The following PVT1 variants were observed in gnomAD, a reference collection of about 807,000 sequenced individuals.
PVT1 encodes the protein Pvt1 oncogene, also known as CXCR4/PVT1 fusion.
At chr8:128,037,511 G>A (rs1347812135) in intron 4 of PVT1, among the ~76,000 whole-genome samples, 2 of 152,222 alleles carry the variant, frequency 1.3e-5, no homozygotes, top group African/African-American at 4.8e-5. Context: ...GGAAAGGGAA[G>A]TGGGGGACAG....
chr8:127,808,340 G>T (rs114899397), intron 2 of PVT1, among the ~76,000 whole-genome samples: 1 of 152,138 alleles, frequency 6.6e-6, no homozygotes, highest in Non-Finnish European at 1.5e-5. Flanking sequence ...GAGCCACGGC[G>T]TCCAGCCTGT....
chr8:127,973,298 G>A lies in PVT1; in HGVS notation n.783-15864G>A, dbSNP rs140048423. 6.1e-3 allele frequency among the ~76,000 whole-genome samples: 934 copies of A among 152,230 alleles called. 6 individuals are homozygous for A. The highest frequency in any genetic ancestry group is 0.011 in the Non-Finnish European group (727 of 68,016). The stretch of plus-strand genomic sequence containing the variant: ...ACGAATCAATGACAGGGGTACATAG[G>A]AAATAAGAATAATGGAGAGAGCCAC... On this transcript the variant is annotated intron_variant and non_coding_transcript_variant, in intron 3 of 10. Coordinates refer to ENST00000651587, the Ensembl canonical transcript of PVT1.
At chr8:128,045,150 C>G (rs1813596130) in intron 4 of PVT1, among the ~76,000 whole-genome samples, 1 of 152,170 alleles carries the variant, frequency 6.6e-6, no homozygotes, top group Non-Finnish European at 1.5e-5. Context: ...TGGGGCAGCC[C>G]TTGGACACAC....
At chr8:127,994,853 A>ACACTC (rs1817087167) in intron 4 of PVT1, among the ~76,000 whole-genome samples, 1 of 152,326 alleles carries the variant, frequency 6.6e-6, no homozygotes, top group East Asian at 1.9e-4. Context: ...GATGAAATTC[A>ACACTC]ACCTTCCTGT....
At chr8:127,982,819 C>T (rs1816899721) in intron 3 of PVT1, among the ~76,000 whole-genome samples, 1 of 152,156 alleles carries the variant, frequency 6.6e-6, no homozygotes, top group African/African-American at 2.4e-5. Context: ...CCCCAGACCC[C>T]TGTTTCTCCT....
intron 3 of PVT1, among the ~76,000 whole-genome samples, chr8:127,968,520 C>T (rs1816727731): frequency 6.6e-6 from 1 of 152,094 alleles, no homozygotes; most frequent in Non-Finnish European, 1.5e-5. Flanking sequence ...CAGTTGCCAC[C>T]AGGGACGCAG....
intron 3 of PVT1, chr8:127,940,539 T>C (rs1462078689): frequency 6.6e-6 from 1 of 151,302 alleles, no homozygotes; most frequent in African/African-American, 2.4e-5. Flanking sequence ...CCATAAAATA[T>C]TAACACAAAT....
At chr8:127,847,719 G>A (rs1057209338) in intron 2 of PVT1, among the ~76,000 whole-genome samples, 4 of 152,132 alleles carry the variant, frequency 2.6e-5, no homozygotes, top group Non-Finnish European at 4.4e-5. Context: ...TGTGGAGCGG[G>A]GAGTATGGCA....
At chr8:128,061,920 T>C (rs1259079834) in intron 4 of PVT1, among the ~76,000 whole-genome samples, 1 of 152,196 alleles carries the variant, frequency 6.6e-6, no homozygotes, top group Non-Finnish European at 1.5e-5. Flanking sequence ...TGAAAAAACA[T>C]AGAAAGAGAG....
Position 127,972,747 on chromosome 8 carries a change from T to A in PVT1, n.783-16415T>A, listed in dbSNP as rs541472263. ...GTGCAAGACTCTGTCTCAAAAAAAA[T>A]AATAATAAATAAATAGAAATAGCTT... On this transcript the variant is annotated intron_variant and non_coding_transcript_variant, in intron 3 of 10. Transcript: ENST00000651587. Among the ~76,000 whole-genome samples the A allele has an allele frequency of 3.6e-4, 54 of 152,002 alleles. 1 individual carries two copies. The highest frequency in any genetic ancestry group is 1.2e-3 in the African/African-American group (49 of 41,462).
chr8:127,867,132 G>A (rs936733661), intron 2 of PVT1, among the ~76,000 whole-genome samples: 1 of 152,352 alleles, frequency 6.6e-6, no homozygotes, highest in Non-Finnish European at 1.5e-5. Flanking sequence ...ACCTGCCTGC[G>A]GCCTTCCTCG....
chr8:127,794,744 A>G (rs1198945543), intron 1 of PVT1: 5 of 153,174 alleles, frequency 3.3e-5, no homozygotes, highest in African/African-American at 1.2e-4. Context: ...AGTAAGTTCC[A>G]ATTTTGTCCC....
At chr8:128,077,990 G>A (rs1814113104) in intron 5 of PVT1, among the ~76,000 whole-genome samples, 1 of 152,202 alleles carries the variant, frequency 6.6e-6, no homozygotes, top group Non-Finnish European at 1.5e-5. Context: ...GGGCAGAGAG[G>A]GGTCGTGGGG....
intron 3 of PVT1, among the ~76,000 whole-genome samples, chr8:127,934,073 T>C (rs931845704): frequency 2.0e-5 from 3 of 152,216 alleles, no homozygotes; most frequent in African/African-American, 7.2e-5. Flanking sequence ...CACTGAGCCC[T>C]TTTCACTATC....
chr8:128,040,801 C>T (rs1813521533), intron 4 of PVT1, among the ~76,000 whole-genome samples: 1 of 147,640 alleles, frequency 6.8e-6, no homozygotes, highest in Non-Finnish European at 1.5e-5. Flanking sequence ...TGTTTGAGTG[C>T]TTCTGTGTGT....
chr8:128,043,327 C>T (rs1813568533), intron 4 of PVT1, among the ~76,000 whole-genome samples: 1 of 152,198 alleles, frequency 6.6e-6, no homozygotes, highest in African/African-American at 2.4e-5. Flanking sequence ...CGTTGCAACT[C>T]AGCATTCCTG....
At chr8:127,857,002 G>T (rs1815168625) in intron 2 of PVT1, among the ~76,000 whole-genome samples, 1 of 152,172 alleles carries the variant, frequency 6.6e-6, no homozygotes, top group Non-Finnish European at 1.5e-5. Context: ...GAGGCAGGTG[G>T]ATTGCTTGAG....
At chr8:127,842,657 G>T (rs1329902730) in intron 2 of PVT1, among the ~76,000 whole-genome samples, 1 of 152,086 alleles carries the variant, frequency 6.6e-6, no homozygotes, top group African/African-American at 2.4e-5. Context: ...GTCTTGGAGG[G>T]TCATCTGTCC....
At chr8:128,084,977 G>T (rs969675979) in intron 5 of PVT1, among the ~76,000 whole-genome samples, 2 of 152,222 alleles carry the variant, frequency 1.3e-5, no homozygotes, top group African/African-American at 4.8e-5. Flanking sequence ...GTCAGAACGA[G>T]GTTCCCATCT....
Sources: allele counts gnomAD v4.1 joint callset (sites outside exome capture counted in the v4.1 genomes callset), GRCh38; gene constraint gnomAD v4.1.1; transcripts MANE v1.5; gene names NCBI Gene and HGNC (gene_info 2026-07-23, HGNC 2026-07-21).